The following GPR137C variants were observed in gnomAD, a reference collection of about 807,000 sequenced individuals.
The protein encoded by GPR137C is G protein-coupled receptor 137C.
In GPR137C, 27 loss-of-function variants were observed where a neutral mutation model predicts 43.4. The observed-to-expected ratio is 0.62, with a 90% confidence interval of 0.46 to 0.86. The LOEUF (loss-of-function observed/expected upper bound fraction) is 0.86. GPR137C is among the 40% of genes least tolerant of loss of function. GPR137C has a pLI of 0.00. For missense variants in GPR137C, 522 were observed against 534.6 expected (o/e 0.98, Z 0.23); for synonymous variants, 285 against 226.9 (o/e 1.26, Z -2.30).
intron 1 of GPR137C, among the ~76,000 whole-genome samples, chr14:52,589,096 C>A (rs1046124030): frequency 2.6e-5 from 4 of 152,100 alleles, no homozygotes; most frequent in African/African-American, 9.7e-5. Flanking sequence ...TGTAAATAAA[C>A]CTTGAAGACA....
chr14:52,566,198 C>T (rs1379735), intron 1 of GPR137C, among the ~76,000 whole-genome samples: 78,175 of 151,990 alleles, frequency 0.51, 21,168 homozygotes, highest in East Asian at 0.7. Context: ...ACCTTCTCTT[C>T]TCTTACAAAA....
chr14:52,620,630 AT>A (rs1280215398), intron 3 of GPR137C, among the ~76,000 whole-genome samples: 1 of 151,962 alleles, frequency 6.6e-6, no homozygotes, highest in South Asian at 2.1e-4. Context: ...GATAACCTAA[AT>A]TTTGGATTTA....
chr14:52,632,506 C>T (rs765765794), intron 4 of GPR137C, among the ~76,000 whole-genome samples, 197 bp downstream of exon 4: 1 of 152,052 alleles, frequency 6.6e-6, no homozygotes, highest in Non-Finnish European at 1.5e-5. Flanking sequence ...GAGAACTTCT[C>T]TCAAAGGAGT....
chr14:52,599,712 G>A (rs1338653627), intron 2 of GPR137C, among the ~76,000 whole-genome samples: 1 of 152,102 alleles, frequency 6.6e-6, no homozygotes, highest in Non-Finnish European at 1.5e-5. Context: ...GAGATTACAG[G>A]CATGAGCCGC....
chr14:52,559,230 G>A (rs2038241327), intron 1 of GPR137C, among the ~76,000 whole-genome samples: 1 of 151,930 alleles, frequency 6.6e-6, no homozygotes. Flanking sequence ...TAAAAAATTA[G>A]CCCAGCATGG....
At chr14:52,587,041 T>C (rs1351827079) in intron 1 of GPR137C, among the ~76,000 whole-genome samples, 1 of 152,152 alleles carries the variant, frequency 6.6e-6, no homozygotes, top group African/African-American at 2.4e-5. Flanking sequence ...CCTCCATGAT[T>C]TGATGACTGC....
chr14:52,566,502 A>G (rs983622171), intron 1 of GPR137C, among the ~76,000 whole-genome samples: 4 of 152,170 alleles, frequency 2.6e-5, no homozygotes, highest in South Asian at 2.1e-4. Context: ...AGAAAGTTCA[A>G]TGTGAGGGCT....
At chr14:52,576,611 T>G (rs965897993) in intron 1 of GPR137C, among the ~76,000 whole-genome samples, 5 of 152,192 alleles carry the variant, frequency 3.3e-5, no homozygotes, top group African/African-American at 1.2e-4. Flanking sequence ...TTCACTCCAC[T>G]TACATCACTA....
chr14:52,559,595 A>T (rs1373892789), intron 1 of GPR137C, among the ~76,000 whole-genome samples: 2 of 152,348 alleles, frequency 1.3e-5, no homozygotes, highest in African/African-American at 4.8e-5. Flanking sequence ...CCTATAGCTG[A>T]TATTATACTT....
intron 1 of GPR137C, among the ~76,000 whole-genome samples, chr14:52,563,478 T>A (rs1428879192): frequency 6.6e-6 from 1 of 152,092 alleles, no homozygotes; most frequent in African/African-American, 2.4e-5. Flanking sequence ...CCTACACCTA[T>A]ATGCATCAAA....
At chr14:52,626,396 C>T (rs923804198) in intron 3 of GPR137C, among the ~76,000 whole-genome samples, 1 of 151,588 alleles carries the variant, frequency 6.6e-6, no homozygotes, top group African/African-American at 2.4e-5. Context: ...AGAAAAACCA[C>T]ATAATCATTT....
chr14:52,553,705 A>T, intron 1 of GPR137C, 114 bp downstream of exon 1: 1 of 860,940 alleles, frequency 1.2e-6, no homozygotes, highest in Non-Finnish European at 1.7e-6. Flanking sequence ...CGGACTGGAA[A>T]CCAGCCTGGG....
In GPR137C at chr14:52,553,172, G is replaced by C; in HGVS notation, c.25G>C (p.Ala9Pro). 8.5e-7 allele frequency: 1 copy of C among 1,179,836 alleles called. No homozygotes were observed. Among genetic ancestry groups the C allele is most frequent in the Non-Finnish European group, 1.0e-6 (1 of 956,794 alleles). The allele number at this position is 1,179,836 out of a possible 1,614,324, so 73.1% of individuals were successfully genotyped here. The change falls in exon 1 of 7, where the codon GCG becomes CCG. Residue 9 changes from alanine (A) to proline (P), a missense_variant. Coordinates refer to ENST00000321662, the MANE Select transcript of GPR137C (RefSeq NM_001099652.2). ...CATGAGGGTGTCCGTGCCGGGTCCG[G>C]CGGCCGCTGCCGCCCCCGCAGCCGG... MRVSVPGPAAAAAPAAGRE... is the reference protein window; with the variant it reads MRVSVPGPPAAAAPAAGRE...
chr14:52,560,108 G>T (rs2038257628), intron 1 of GPR137C, among the ~76,000 whole-genome samples: 2 of 152,176 alleles, frequency 1.3e-5, no homozygotes, highest in South Asian at 4.1e-4. Context: ...AGTGAGCCAA[G>T]GTTGCACCAC....
intron 3 of GPR137C, among the ~76,000 whole-genome samples, chr14:52,624,718 T>C (rs1194865638): frequency 1.0e-5 from 1 of 96,724 alleles, no homozygotes; most frequent in Non-Finnish European, 2.7e-5. Context: ...AGCCATATGC[T>C]GTCTCAAAAA....
chr14:52,554,860 A>G (rs1330157223), intron 1 of GPR137C, among the ~76,000 whole-genome samples: 1 of 152,242 alleles, frequency 6.6e-6, no homozygotes, highest in Non-Finnish European at 1.5e-5. Context: ...GTTGAAAACA[A>G]CAAAACTAAT....
At position 52,553,264 on chromosome 14, in the gene GPR137C, C is replaced by T. The variant is rs759799292; in HGVS notation, c.117C>T (p.Ala39=). The part of the protein sequence containing the change: ...GGGAVAAASG[A]AVPGSVQLAL... ...GCGCCGTCGCTGCAGCCTCAGGCGCCGCGGTGCCGGGCTCCGTGCAGTTGG... is the reference window on the plus strand; with the variant it reads ...GCGCCGTCGCTGCAGCCTCAGGCGCTGCGGTGCCGGGCTCCGTGCAGTTGG... The change falls in exon 1 of 7, where the codon GCC becomes GCT. Residue 39 remains alanine (A), a synonymous_variant. Transcript: ENST00000321662. 8.8e-5 allele frequency: 124 copies of T among 1,402,104 alleles called. No homozygotes were observed. The highest frequency in any genetic ancestry group is 1.1e-4 in the Non-Finnish European group (121 of 1,074,834). The allele number at this position is 1,402,104 out of a possible 1,614,324, so 86.9% of individuals were successfully genotyped here.
chr14:52,589,651 G>A (rs943028568), intron 1 of GPR137C, among the ~76,000 whole-genome samples: 9 of 152,132 alleles, frequency 5.9e-5, no homozygotes, highest in African/African-American at 2.2e-4. Context: ...CTAGTAGATG[G>A]TAGTACTGTT....
intron 2 of GPR137C, among the ~76,000 whole-genome samples, chr14:52,599,720 C>T (rs528304477): frequency 8.5e-5 from 13 of 152,228 alleles, no homozygotes; most frequent in African/African-American, 2.2e-4. Flanking sequence ...AGGCATGAGC[C>T]GCCATGCCTG....
Sources: allele counts gnomAD v4.1 joint callset (sites outside exome capture counted in the v4.1 genomes callset), GRCh38; gene constraint gnomAD v4.1.1; transcripts MANE v1.5; gene names NCBI Gene and HGNC (gene_info 2026-07-23, HGNC 2026-07-21).